CHD7: variants seen among roughly 807,000 people sequenced by gnomAD.
CHD7 encodes the protein chromodomain helicase DNA binding protein 7, also known as ATP-dependent chromatin remodeler CHD7.
A neutral mutation model predicts 307.3 loss-of-function variants in CHD7; 24 were observed. The ratio of observed to expected loss-of-function variants is 0.08; its 90% CI spans 0.06 to 0.11. CHD7 has a LOEUF of 0.11. Among genes scored for constraint, CHD7 ranks in the 10% least tolerant of loss-of-function variants. The pLI, the probability that CHD7 is intolerant of heterozygous loss-of-function variation, is 1.00. For missense variants in CHD7, 3,106 were observed against 3,727.1 expected, an observed-to-expected ratio of 0.83 and a Z score of 4.34; for synonymous variants, 1,363 against 1,349.9, an observed-to-expected ratio of 1.01 and a Z score of -0.21.
intron 2 of CHD7, among the ~76,000 whole-genome samples, chr8:60,749,184 A>G (rs1251417097): frequency 2.0e-5 from 3 of 151,722 alleles, no homozygotes; most frequent in African/African-American, 7.3e-5. Flanking sequence ...TAGTCTGGCC[A>G]ACATAGTGAA....
At chr8:60,680,716 C>T (rs1235485032) in intron 1 of CHD7, among the ~76,000 whole-genome samples, 1 of 152,168 alleles carries the variant, frequency 6.6e-6, no homozygotes, top group African/African-American at 2.4e-5. Flanking sequence ...TCCCCCTCTT[C>T]TGAACAGACA....
intron 7 of CHD7, among the ~76,000 whole-genome samples, chr8:60,813,664 C>G (rs1444798097): frequency 6.6e-6 from 1 of 151,992 alleles, no homozygotes; most frequent in Non-Finnish European, 1.5e-5. Flanking sequence ...TGTGATTTTT[C>G]TCCTTAGATA....
chr8:60,715,687 C>T (rs1807563999), intron 1 of CHD7, among the ~76,000 whole-genome samples: 1 of 152,094 alleles, frequency 6.6e-6, no homozygotes, highest in South Asian at 2.1e-4. Flanking sequence ...GTCATGTTAG[C>T]CGCTGGTTCA....
At chr8:60,800,785 G>T (rs951342014) in intron 5 of CHD7, among the ~76,000 whole-genome samples, 3 of 152,216 alleles carry the variant, frequency 2.0e-5, no homozygotes, top group African/African-American at 4.8e-5. Context: ...TGCTGAGGAA[G>T]AGTCAGAGTT....
chr8:60,825,711 CT>C (rs959217775), intron 13 of CHD7, among the ~76,000 whole-genome samples: 1 of 152,206 alleles, frequency 6.6e-6, no homozygotes, highest in African/African-American at 2.4e-5. Flanking sequence ...TCTGACTGAA[CT>C]TATCTGAGTT....
Position 60,741,385 on chromosome 8 carries a change from A to G in CHD7, c.-48A>G. On this transcript the variant is annotated 5_prime_UTR_variant, in exon 2 of 38. Transcript: ENST00000423902. The stretch of plus-strand genomic sequence containing the variant: ...CAAACACCTCAGTGAAGTGAAGCAC[A>G]GGCAAGCTCCTGAGCTGTGGTTTGG... 1 of 1,399,742 alleles carries G rather than the reference A, an allele frequency of 7.1e-7. No homozygotes were observed. Among genetic ancestry groups the G allele is most frequent in the South Asian group, 1.3e-5 (1 of 75,182 alleles). 86.7% of individuals were successfully genotyped at this position (1,399,742 alleles called of 1,614,324 possible).
chr8:60,761,131 G>T (rs1261589716), intron 2 of CHD7, among the ~76,000 whole-genome samples: 1 of 151,820 alleles, frequency 6.6e-6, no homozygotes, highest in Non-Finnish European at 1.5e-5. Context: ...AGAAAATGTG[G>T]CACATATACA....
At chr8:60,709,035 G>A (rs1807154922) in intron 1 of CHD7, among the ~76,000 whole-genome samples, 1 of 152,100 alleles carries the variant, frequency 6.6e-6, no homozygotes, top group African/African-American at 2.4e-5. Context: ...CTCTCTGACT[G>A]AGGCTCTTTC....
intron 1 of CHD7, among the ~76,000 whole-genome samples, chr8:60,721,976 G>A (rs1175508360): frequency 1.3e-5 from 2 of 152,190 alleles, no homozygotes; most frequent in Non-Finnish European, 2.9e-5. Flanking sequence ...GTTGGGGTCG[G>A]GGATGTTGCA....
chr8:60,701,120 TA>T (rs777848960), intron 1 of CHD7, among the ~76,000 whole-genome samples: 21 of 152,344 alleles, frequency 1.4e-4, no homozygotes, highest in Non-Finnish European at 2.1e-4. Flanking sequence ...CAGCAGACTG[TA>T]GGTACAATTT....
intron 3 of CHD7, among the ~76,000 whole-genome samples, chr8:60,792,956 G>A (rs1244088280): frequency 6.6e-6 from 1 of 152,230 alleles, no homozygotes; most frequent in Non-Finnish European, 1.5e-5. Flanking sequence ...ACACTGCAGC[G>A]CAGGTGTTGA....
chr8:60,742,284 T>C lies in CHD7; in HGVS notation c.852T>C (p.Ala284=), dbSNP rs1809077459. 6.2e-7 allele frequency: 1 copy of C among 1,613,950 alleles called. No homozygotes were observed. Among genetic ancestry groups the C allele is most frequent in the Middle Eastern group, 1.6e-4 (1 of 6,062 alleles). Residue 284 remains alanine, a synonymous_variant, in exon 2 of 38, where the codon GCT becomes GCC. Coordinates refer to ENST00000423902, the MANE Select transcript of CHD7 (RefSeq NM_017780.4). ...CCCCGAATCCTCCCCAACAAGGGGC[T>C]GTTAGGCCGCAAACCCTTAACTTTA... is the stretch of plus-strand genomic sequence containing the variant. ...RFSPNPPQQG[A]VRPQTLNFSS...
intron 1 of CHD7, among the ~76,000 whole-genome samples, chr8:60,731,698 A>G (rs746141968): frequency 3.9e-5 from 6 of 152,240 alleles, no homozygotes; most frequent in Non-Finnish European, 5.9e-5. Context: ...TAGTCACTGA[A>G]TAAGTTACAT....
intron 1 of CHD7, among the ~76,000 whole-genome samples, chr8:60,699,577 G>A (rs1806654374): frequency 6.6e-6 from 1 of 151,492 alleles, no homozygotes; most frequent in African/African-American, 2.4e-5. Flanking sequence ...AGCTCTGTCT[G>A]TCCCATTGCT....
chr8:60,750,657 G>C (rs1412868278), intron 2 of CHD7, among the ~76,000 whole-genome samples: 5 of 152,168 alleles, frequency 3.3e-5, no homozygotes, highest in Non-Finnish European at 7.3e-5. Context: ...TTGCTTGTGA[G>C]ATATTTTACG....
chr8:60,807,036 A>G (rs1376881073), intron 6 of CHD7, among the ~76,000 whole-genome samples: 2 of 152,212 alleles, frequency 1.3e-5, no homozygotes, highest in Non-Finnish European at 2.9e-5. Flanking sequence ...AAAAGAAAGA[A>G]AAAAAATTAG....
At position 60,855,955 on chromosome 8, in the gene CHD7, G is replaced by T; in HGVS notation, c.6937-20G>T. ...CCAGGGCTTTGTTAAAATTTCTTGTGACTTTTCTTCTCCCTCCAGGATAGA... is the reference window on the plus strand; with the variant it reads ...CCAGGGCTTTGTTAAAATTTCTTGTTACTTTTCTTCTCCCTCCAGGATAGA... On this transcript the variant is annotated intron_variant, in intron 32 of 37. Transcript: ENST00000423902. 6.5e-7 allele frequency: 1 copy of T among 1,533,096 alleles called. No individual in the cohort carries two copies. The highest frequency in any genetic ancestry group is 1.7e-4 in the Middle Eastern group (1 of 5,914). 95.0% of individuals were successfully genotyped at this position (1,533,096 alleles called of 1,614,324 possible). A position where few individuals can be genotyped will look rare whatever the true frequency, so the allele number is the denominator to read the frequency against.
intron 1 of CHD7, among the ~76,000 whole-genome samples, chr8:60,686,469 C>A (rs1805898656): frequency 6.6e-6 from 1 of 152,028 alleles, no homozygotes; most frequent in East Asian, 1.9e-4. Context: ...AAGGCGCATG[C>A]AGGCCCCTGT....
At chr8:60,777,946 TAATA>T (rs1811028479) in intron 2 of CHD7, among the ~76,000 whole-genome samples, 1 of 152,242 alleles carries the variant, frequency 6.6e-6, no homozygotes, top group Admixed American at 6.5e-5. Context: ...ATGTTTGCTC[TAATA>T]AATGAGAGGT....
Sources: allele counts gnomAD v4.1 joint callset (sites outside exome capture counted in the v4.1 genomes callset), GRCh38; gene constraint gnomAD v4.1.1; transcripts MANE v1.5; gene names NCBI Gene and HGNC (gene_info 2026-07-23, HGNC 2026-07-21).